DIS3L2: variants seen among roughly 807,000 people sequenced by gnomAD.
DIS3L2 encodes the protein DIS3 like 3'-5' exoribonuclease 2.
In DIS3L2, 34 loss-of-function variants were observed where a neutral mutation model predicts 97.5. The ratio of observed to expected loss-of-function variants is 0.35; its 90% confidence interval spans 0.27 to 0.46. DIS3L2 has a LOEUF of 0.46. Ranked by LOEUF, DIS3L2 falls within the 20% of genes least tolerant of loss-of-function variation. The pLI, the probability that DIS3L2 is intolerant of heterozygous loss-of-function variation, is 1.00. For missense variants in DIS3L2, 1,038 were observed against 1,146.0 expected, an observed-to-expected ratio of 0.91 and a Z score of 1.36; for synonymous variants, 435 against 445.2, an observed-to-expected ratio of 0.98 and a Z score of 0.29.
At position 232,334,716 on chromosome 2, in the gene DIS3L2, A is replaced by G. The variant is rs1695884429; in HGVS notation, c.2375A>G (p.Gln792Arg). The G allele has an allele frequency of 6.2e-7, 1 of 1,608,006 alleles. No individual in the cohort carries two copies. The highest frequency in any genetic ancestry group is 8.5e-7 in the Non-Finnish European group (1 of 1,177,594). The change falls in exon 19 of 21, where the codon CAG (glutamine) becomes CGG (arginine). Residue 792 changes from glutamine to arginine, a missense_variant. Coordinates refer to ENST00000325385, the MANE Select transcript of DIS3L2 (RefSeq NM_152383.5). ...FDVLVLRYGVQKRIYCNALAL... is the reference protein window; with the variant it reads ...FDVLVLRYGVRKRIYCNALAL... ...GTGCTGGTGCTGCGCTACGGCGTGC[A>G]GAAGCGCATCTACTGCAACGTGAGT...
chr2:232,335,829 G>A lies in DIS3L2; in HGVS notation c.2451G>A (p.Thr817=), dbSNP rs1477139581. 1.9e-5 allele frequency: 30 copies of A among 1,550,774 alleles called. No homozygotes were observed. Among genetic ancestry groups the A allele is most frequent in the Non-Finnish European group, 2.5e-5 (29 of 1,147,062 alleles). The stretch of plus-strand genomic sequence containing the variant: ...AGGTGGGCAAGAAGCCGGAACTCAC[G>A]CTGGTCTGGGAGCCTGAGGACATGG... The part of the protein sequence containing the change: ...FQKVGKKPEL[T]LVWEPEDMEQ... Residue 817 remains threonine (T), a synonymous_variant, in exon 20 of 21, where the codon ACG becomes ACA. Transcript: ENST00000325385.
chr2:232,093,400 T>G (rs925847740), intron 6 of DIS3L2, among the ~76,000 whole-genome samples: 2 of 152,162 alleles, frequency 1.3e-5, no homozygotes, highest in African/African-American at 4.8e-5. Flanking sequence ...ATATTGCCCC[T>G]GTAGAATGAG....
intron 5 of DIS3L2, among the ~76,000 whole-genome samples, chr2:232,055,047 T>G (rs1417387261): frequency 6.6e-6 from 1 of 152,162 alleles, no homozygotes; most frequent in African/African-American, 2.4e-5. Flanking sequence ...CTTGATGAAA[T>G]TAAAGATCCA....
chr2:231,985,545 C>T (rs1383562037), intron 1 of DIS3L2, among the ~76,000 whole-genome samples: 1 of 152,216 alleles, frequency 6.6e-6, no homozygotes, highest in Non-Finnish European at 1.5e-5. Context: ...CGTTCATGTG[C>T]AGCTTTCATT....
chr2:232,094,970 A>C lies in DIS3L2; in HGVS notation c.601+7249A>C, dbSNP rs139471486. Among the ~76,000 whole-genome samples, 114 of 152,176 alleles carry C rather than the reference A, an allele frequency of 7.5e-4. No homozygotes were observed. In the East Asian group the frequency reaches 0.02, roughly 27 times the overall value. ...TATTTTATCTGATATTAATATAGGT[A>C]CTTCTCCCCTTTTTTGGTTTCCATT... On this transcript the variant is annotated intron_variant, in intron 6 of 20. Transcript: ENST00000325385.
chr2:232,017,009 A>G (rs1694374321), intron 3 of DIS3L2, among the ~76,000 whole-genome samples: 1 of 151,120 alleles, frequency 6.6e-6, no homozygotes, highest in African/African-American at 2.4e-5. Context: ...CACGTGCACA[A>G]GAAAGAAGAA....
chr2:232,107,726 T>G (rs977383524), intron 6 of DIS3L2, among the ~76,000 whole-genome samples: 37 of 151,942 alleles, frequency 2.4e-4, no homozygotes, highest in African/African-American at 8.5e-4. Flanking sequence ...AAGGGGAATA[T>G]TATCACCACA....
intron 6 of DIS3L2, among the ~76,000 whole-genome samples, chr2:232,125,066 C>G (rs949441406): frequency 6.6e-6 from 1 of 152,206 alleles, no homozygotes; most frequent in African/African-American, 2.4e-5. Flanking sequence ...TTTACTCTTG[C>G]TTGTGTGCCT....
In DIS3L2 at chr2:232,163,556, G is replaced by T; in HGVS notation, c.1048G>T (p.Glu350Ter). The change falls in exon 9 of 21, where the codon GAA becomes TAA. Residue 350 changes from glutamate (E) to a stop codon, truncating the protein, a stop_gained. Coordinates refer to ENST00000325385, the MANE Select transcript of DIS3L2 (RefSeq NM_152383.5). LOFTEE classifies it high-confidence loss of function. The part of the protein sequence containing the change: ...YGVDFSDFSS[E>*]VLECLPQGLP... ...CGTGGATTTCTCTGATTTCTCTTCAGAAGTTCTAGAATGTCTTCCTCAAGG... is the reference window on the plus strand; with the variant it reads ...CGTGGATTTCTCTGATTTCTCTTCATAAGTTCTAGAATGTCTTCCTCAAGG... 1 of 1,614,148 alleles carries T rather than the reference G, an allele frequency of 6.2e-7. No homozygotes were observed. The highest frequency in any genetic ancestry group is 8.5e-7 in the Non-Finnish European group (1 of 1,180,024).
At chr2:231,994,615 A>C (rs2106195317) in intron 1 of DIS3L2, among the ~76,000 whole-genome samples, 1 of 152,210 alleles carries the variant, frequency 6.6e-6, no homozygotes, top group Admixed American at 6.5e-5. Flanking sequence ...ACAATATTAT[A>C]CTTTTGCTTT....
At chr2:232,225,378 A>G (rs1470606281) in intron 10 of DIS3L2, among the ~76,000 whole-genome samples, 1 of 152,224 alleles carries the variant, frequency 6.6e-6, no homozygotes, top group Non-Finnish European at 1.5e-5. Context: ...CTTACAATGG[A>G]ATATTATATA....
chr2:232,005,383 A>G (rs544177352), intron 1 of DIS3L2, among the ~76,000 whole-genome samples: 1 of 152,232 alleles, frequency 6.6e-6, no homozygotes, highest in Non-Finnish European at 1.5e-5. Context: ...GAAGAGTCAT[A>G]AGAATTAGGG....
Position 232,015,503 on chromosome 2 carries a change from C to A in DIS3L2, c.53-11C>A. 6.2e-7 allele frequency: 1 copy of A among 1,610,660 alleles called. No individual in the cohort carries two copies. Among genetic ancestry groups the A allele is most frequent in the Non-Finnish European group, 8.5e-7 (1 of 1,178,280 alleles). On this transcript the variant is annotated splice_polypyrimidine_tract_variant and intron_variant, in intron 2 of 20. Transcript: ENST00000325385. ...TTGAGGAAAGAGTTGATTGCTGCCT[C>A]CTGTTTCTAGGTGTGTCTGCTGTGG...
chr2:232,023,382 C>G (rs1158904112), intron 3 of DIS3L2, among the ~76,000 whole-genome samples: 1 of 152,092 alleles, frequency 6.6e-6, no homozygotes, highest in Non-Finnish European at 1.5e-5. Context: ...TATTTTATGC[C>G]GTTGCCTGTT....
At chr2:232,256,384 C>T (rs999730921) in intron 12 of DIS3L2, among the ~76,000 whole-genome samples, 1 of 152,228 alleles carries the variant, frequency 6.6e-6, no homozygotes, top group Non-Finnish European at 1.5e-5. Context: ...CACCTGCCAT[C>T]TTCTCATATC....
intron 5 of DIS3L2, among the ~76,000 whole-genome samples, chr2:232,060,489 A>G (rs1234089309): frequency 6.6e-6 from 1 of 151,930 alleles, no homozygotes; most frequent in Admixed American, 6.6e-5. Context: ...TATTGAAGAA[A>G]GTGGGTTCTC....
rs559858188 is a variant in DIS3L2 at position 232,034,487 on chromosome 2, A to G, written c.366+4407A>G. 3.4e-4 allele frequency among the ~76,000 whole-genome samples: 52 copies of G among 152,084 alleles called. 3 individuals carry two copies. The South Asian group carries it at 7.7e-3, about 22-fold the overall frequency. On this transcript the variant is annotated intron_variant, in intron 5 of 20. Transcript: ENST00000325385. ...TCTCCTTCAGTTCTGCTCCGATCTT[A>G]GTTATTTCTTGTCTTCTGCTAACTT... is the stretch of plus-strand genomic sequence containing the variant.
At chr2:232,247,526 C>T (rs1175632302) in intron 11 of DIS3L2, among the ~76,000 whole-genome samples, 9 of 150,264 alleles carry the variant, frequency 6.0e-5, no homozygotes, top group East Asian at 4.0e-4. Flanking sequence ...GGCACCACCC[C>T]GTGTCCTCAT....
intron 6 of DIS3L2, among the ~76,000 whole-genome samples, chr2:232,094,608 A>G (rs981329381): frequency 1.3e-5 from 2 of 151,226 alleles, no homozygotes; most frequent in African/African-American, 4.9e-5. Flanking sequence ...AATCCCAGCT[A>G]CTGGGGAGGT....
Sources: gnomAD v4.1 joint callset for allele counts (sites outside exome capture counted in the v4.1 genomes callset) on GRCh38, gnomAD v4.1.1 for gene constraint, MANE v1.5 for transcripts, NCBI Gene and HGNC (gene_info 2026-07-23, HGNC 2026-07-21) for gene names.